The following TMEM117 variants were observed in gnomAD, a reference collection of about 807,000 sequenced individuals.
TMEM117 encodes transmembrane protein 117.
In TMEM117, 27 loss-of-function variants were observed where a neutral mutation model predicts 52.4. The observed-to-expected ratio is 0.51, with a 90% CI of 0.38 to 0.71. TMEM117 has a LOEUF of 0.71. Among genes scored for constraint, TMEM117 ranks in the 30% least tolerant of loss-of-function variants. The pLI, the probability that TMEM117 is intolerant of heterozygous loss-of-function variation, is 0.00. For missense variants in TMEM117, 556 were observed against 630.5 expected (o/e 0.88, Z 1.26); for synonymous variants, 215 against 206.3 (o/e 1.04, Z -0.36).
chr12:44,355,214 A>G (rs1294641098), intron 6 of TMEM117, among the ~76,000 whole-genome samples: 1 of 152,050 alleles, frequency 6.6e-6, no homozygotes, highest in Non-Finnish European at 1.5e-5. Flanking sequence ...TTATTTAGAA[A>G]TATATCTGTC....
the TMEM117 span, among the ~76,000 whole-genome samples, chr12:43,830,024 G>C: frequency 3.3e-5 from 5 of 150,194 alleles, no homozygotes; most frequent in South Asian, 8.5e-4. Flanking sequence ...GGAGGCGGAC[G>C]TTGCAGTGAG....
At chr12:43,841,364 G>A (rs564539044) in intron 1 of TMEM117, among the ~76,000 whole-genome samples, 1 of 152,290 alleles carries the variant, frequency 6.6e-6, no homozygotes, top group East Asian at 1.9e-4. Context: ...AATTAAACAG[G>A]CAGCAACTGC....
chr12:43,898,645 T>C lies in TMEM117; in HGVS notation c.278-45565T>C, dbSNP rs548829833. Reference sequence around the variant, plus strand: ...CTCATTGACCTATTATAGTGTCCCCTGCACAGTTTTCCATGGCTGAGAGCA... The same window carrying C: ...CTCATTGACCTATTATAGTGTCCCCCGCACAGTTTTCCATGGCTGAGAGCA... On this transcript the variant is annotated intron_variant, in intron 2 of 7. Transcript: ENST00000266534. Among the ~76,000 whole-genome samples the C allele has an allele frequency of 2.6e-4, 39 of 152,268 alleles. 1 individual carries two copies. In the East Asian group the frequency reaches 7.3e-3, roughly 29 times the overall value.
rs552121238 is a variant in TMEM117 at position 44,099,268 on chromosome 12, A to T, written c.411-44257A>T. ...AGCATTTTTGTTTTTTAATTTTTTTAAAAAATAATTATTCCATACAAAATA... is the reference window on the plus strand; with the variant it reads ...AGCATTTTTGTTTTTTAATTTTTTTTAAAAATAATTATTCCATACAAAATA... On this transcript the variant is annotated intron_variant, in intron 3 of 7. Transcript: ENST00000266534. Among the ~76,000 whole-genome samples the T allele has an allele frequency of 1.1e-3, 162 of 152,108 alleles. 1 individual carries two copies. Among genetic ancestry groups the T allele is most frequent in the African/African-American group, 3.4e-3 (142 of 41,528 alleles).
rs143027739 is a variant in TMEM117, at chr12:44,115,720, C to T, written c.411-27805C>T. ...TTTCATATTCTTTCTGATTGATCAA[C>T]TCATTCATTTACTCTTTGATTAAGT... On this transcript the variant is annotated intron_variant, in intron 3 of 7. Transcript: ENST00000266534. 3.4e-3 allele frequency among the ~76,000 whole-genome samples: 519 copies of T among 152,270 alleles called. 3 individuals carry two copies. Among genetic ancestry groups the T allele is most frequent in the East Asian group, 0.014 (71 of 5,184 alleles).
chr12:43,898,452 T>C (rs1481341368), intron 2 of TMEM117, among the ~76,000 whole-genome samples: 2 of 151,572 alleles, frequency 1.3e-5, no homozygotes, highest in Non-Finnish European at 2.9e-5. Context: ...TAATAGACCC[T>C]TTCTATTAAG....
chr12:44,035,000 C>A (rs982199676), intron 3 of TMEM117, among the ~76,000 whole-genome samples: 1 of 152,216 alleles, frequency 6.6e-6, no homozygotes, highest in Non-Finnish European at 1.5e-5. Flanking sequence ...CATCTCATCT[C>A]ATCTTCTCTG....
At chr12:44,245,549 C>T (rs750902281) in intron 5 of TMEM117, among the ~76,000 whole-genome samples, 1 of 142,242 alleles carries the variant, frequency 7.0e-6, no homozygotes, top group Non-Finnish European at 1.5e-5. Flanking sequence ...ATTTTATGTC[C>T]TGCAACTTAA....
At chr12:44,255,666 T>C (rs1249424970) in intron 5 of TMEM117, among the ~76,000 whole-genome samples, 1 of 152,072 alleles carries the variant, frequency 6.6e-6, no homozygotes, top group African/African-American at 2.4e-5. Flanking sequence ...GATCACAATT[T>C]GGTAACACAG....
intron 2 of TMEM117, among the ~76,000 whole-genome samples, chr12:43,937,319 T>C (rs1439873143): frequency 6.6e-6 from 1 of 152,056 alleles, no homozygotes; most frequent in African/African-American, 2.4e-5. Context: ...TTGACAAGGA[T>C]AGGGAAAGGC....
chr12:43,859,843 A>G (rs1943459783), intron 2 of TMEM117, among the ~76,000 whole-genome samples: 1 of 152,202 alleles, frequency 6.6e-6, no homozygotes, highest in Non-Finnish European at 1.5e-5. Flanking sequence ...AGGCATAACA[A>G]TCTATTTCTA....
chr12:44,218,432 A>G (rs1164700936), intron 5 of TMEM117, among the ~76,000 whole-genome samples: 1 of 152,208 alleles, frequency 6.6e-6, no homozygotes, highest in African/African-American at 2.4e-5. Flanking sequence ...ACAAAAGTCA[A>G]CATCTTTTCA....
intron 5 of TMEM117, among the ~76,000 whole-genome samples, chr12:44,283,788 G>A (rs1041148907): frequency 1.3e-5 from 2 of 152,080 alleles, no homozygotes; most frequent in South Asian, 2.1e-4. Flanking sequence ...GAGGAGCCAC[G>A]GGCGGAATGA....
chr12:44,045,877 G>A (rs1946874113), intron 3 of TMEM117, among the ~76,000 whole-genome samples: 1 of 152,116 alleles, frequency 6.6e-6, no homozygotes, highest in Non-Finnish European at 1.5e-5. Flanking sequence ...GAATTCACTG[G>A]TCTTACCATG....
chr12:43,869,274 T>C (rs995953079), intron 2 of TMEM117, among the ~76,000 whole-genome samples: 1 of 152,172 alleles, frequency 6.6e-6, no homozygotes, highest in Admixed American at 6.5e-5. Flanking sequence ...GTAGCTGCCA[T>C]CCTTCTCTTA....
intron 4 of TMEM117, among the ~76,000 whole-genome samples, chr12:44,156,988 A>G (rs1192458018): frequency 2.0e-5 from 3 of 152,134 alleles, no homozygotes; most frequent in Admixed American, 2.0e-4. Flanking sequence ...ACCATCCTTC[A>G]TGGAAAACCT....
At chr12:44,162,021 TG>T (rs1948905185) in intron 4 of TMEM117, among the ~76,000 whole-genome samples, 1 of 152,146 alleles carries the variant, frequency 6.6e-6, no homozygotes, top group Non-Finnish European at 1.5e-5. Flanking sequence ...TGCAGTCATT[TG>T]GGAATCATCA....
At chr12:44,304,376 T>A (rs1480142579) in intron 6 of TMEM117, among the ~76,000 whole-genome samples, 2 of 152,148 alleles carry the variant, frequency 1.3e-5, no homozygotes, top group African/African-American at 4.8e-5. Flanking sequence ...CCCAAATAAA[T>A]TTGAAAGGCA....
At chr12:43,944,174 A>C in intron 2 of TMEM117, 36 bp from the exon 3 acceptor site, 1 of 1,565,226 alleles carries the variant, frequency 6.4e-7, no homozygotes, top group Non-Finnish European at 8.7e-7. Flanking sequence ...TTTGAGTTAC[A>C]GTGTACATTA....
Sources: allele counts gnomAD v4.1 joint callset (sites outside exome capture counted in the v4.1 genomes callset), GRCh38; gene constraint gnomAD v4.1.1; transcripts MANE v1.5; gene names NCBI Gene and HGNC (gene_info 2026-07-23, HGNC 2026-07-21).